Variants in UBE2E1 observed in about 807,000 individuals in gnomAD.
UBE2E1 encodes the protein ubiquitin-conjugating enzyme E2 E1.
In UBE2E1, 6 loss-of-function variants were observed where a neutral mutation model predicts 21.4. The observed-to-expected ratio is 0.28, with a 90% CI of 0.15 to 0.55. The LOEUF is 0.55. UBE2E1 is among the 20% of genes least tolerant of loss of function. The probability of loss-of-function intolerance (pLI) is 0.93; values close to 1 mark genes in which losing one functional copy is unlikely to be tolerated. For synonymous variants in UBE2E1, 87 were observed against 82.7 expected, an observed-to-expected ratio of 1.05 and a Z score of -0.28; for missense variants, 142 against 236.5, an observed-to-expected ratio of 0.60 and a Z score of 2.62.
intron 3 of UBE2E1, among the ~76,000 whole-genome samples, chr3:23,868,050 G>T (rs1269951971): frequency 6.6e-6 from 1 of 152,132 alleles, no homozygotes; most frequent in Non-Finnish European, 1.5e-5. Context: ...CATATCAGTG[G>T]GTCACTATTG....
chr3:23,818,168 G>C lies in UBE2E1; in HGVS notation c.203+6658G>C, dbSNP rs1043182924. 4.6e-5 allele frequency among the ~76,000 whole-genome samples: 7 copies of C among 152,156 alleles called. 1 individual carries two copies. The highest frequency in any genetic ancestry group is 4.1e-4 in the South Asian group (2 of 4,834). On this transcript the variant is annotated intron_variant, in intron 3 of 5. Coordinates refer to ENST00000306627, the MANE Select transcript of UBE2E1 (RefSeq NM_003341.5). ...GGTTCTTCTGGGTGTTGGGGAAGTT[G>C]GTGGTGCATTAACAGAAATAAATAA...
At chr3:23,835,103 C>T (rs537357344) in intron 3 of UBE2E1, among the ~76,000 whole-genome samples, 1 of 152,284 alleles carries the variant, frequency 6.6e-6, no homozygotes, top group South Asian at 2.1e-4. Context: ...TTGAAGCAGT[C>T]TAGCATTAAC....
intron 3 of UBE2E1, among the ~76,000 whole-genome samples, chr3:23,845,583 C>CTG (rs768414328): frequency 8.2e-5 from 4 of 48,848 alleles, no homozygotes; most frequent in African/African-American, 1.3e-4. Context: ...CTCTCTCTCT[C>CTG]TCTCTCTGTG....
At chr3:23,807,135 C>T (rs1559472435) in intron 1 of UBE2E1, 102 bp from the exon 2 acceptor site, 6 of 971,708 alleles carry the variant, frequency 6.2e-6, no homozygotes, top group Non-Finnish European at 8.7e-6. Flanking sequence ...GGTGGGCGGC[C>T]GCGTGCGCCC....
intron 3 of UBE2E1, among the ~76,000 whole-genome samples, chr3:23,814,857 A>G (rs1458810858): frequency 6.6e-6 from 1 of 152,250 alleles, no homozygotes; most frequent in Admixed American, 6.5e-5. Context: ...TTTAATGGAT[A>G]TATTTGTTTC....
intron 3 of UBE2E1, among the ~76,000 whole-genome samples, chr3:23,824,526 TC>T (rs1295176285): frequency 6.6e-6 from 1 of 152,222 alleles, no homozygotes; most frequent in Non-Finnish European, 1.5e-5. Flanking sequence ...ATTTGAACTT[TC>T]TATCTGAATG....
intron 3 of UBE2E1, among the ~76,000 whole-genome samples, chr3:23,859,505 T>C (rs1161107579): frequency 6.6e-6 from 1 of 152,222 alleles, no homozygotes; most frequent in African/African-American, 2.4e-5. Context: ...ACCAGGTTCT[T>C]CATCCAGAAA....
At chr3:23,844,509 A>G (rs1320539166) in intron 3 of UBE2E1, among the ~76,000 whole-genome samples, 19 of 152,172 alleles carry the variant, frequency 1.2e-4, no homozygotes, top group Admixed American at 1.2e-3. Flanking sequence ...CCCCACTAAC[A>G]GTGAACATTC....
rs768414328 is a variant in UBE2E1 at position 23,845,583 on chromosome 3, C to CTGTGTG, written c.203+34074_203+34075insGTGTGT. The stretch of plus-strand genomic sequence containing the variant: ...GGTTTCTCTCTCTCTCTCTCTCTCT[C>CTGTGTG]TCTCTCTGTGTGTGTGTGTGTGTGT... On this transcript the variant is annotated intron_variant, in intron 3 of 5. Transcript: ENST00000306627. Among the ~76,000 whole-genome samples the CTGTGTG allele has an allele frequency of 5.7e-3, 278 of 48,822 alleles. 1 individual carries two copies. The highest frequency in any genetic ancestry group is 0.014 in the African/African-American group (225 of 15,794). 32.0% of individuals were successfully genotyped at this position (48,822 alleles called of 152,430 possible). A position where few individuals can be genotyped will look rare whatever the true frequency, so the allele number is the denominator to read the frequency against.
rs145735853 is a variant in UBE2E1 at position 23,816,706 on chromosome 3, C to CA, written c.203+5205dup. 0.019 allele frequency among the ~76,000 whole-genome samples: 2,801 copies of CA among 149,234 alleles called. 41 individuals carry two copies. The highest frequency in any genetic ancestry group is 0.051 in the South Asian group (242 of 4,740). ...TGGGCAACAAAGCGAGGCTCCATCTCAAAAAAAAAGGTTATACTAAGTGAA... is the reference window on the plus strand; with the variant it reads ...TGGGCAACAAAGCGAGGCTCCATCTCAAAAAAAAAAGGTTATACTAAGTGAA... On this transcript the variant is annotated intron_variant, in intron 3 of 5. Coordinates refer to ENST00000306627, the MANE Select transcript of UBE2E1 (RefSeq NM_003341.5). This position sits in a 1 kb window ranked among gnomAD's most constrained non-coding sequence, Gnocchi z 4.8.
At chr3:23,852,307 T>C (rs1334408538) in intron 3 of UBE2E1, among the ~76,000 whole-genome samples, 1 of 152,250 alleles carries the variant, frequency 6.6e-6, no homozygotes, top group African/African-American at 2.4e-5. Context: ...AATGATGGTT[T>C]TTAGTCTGCA....
chr3:23,887,807 T>G lies in UBE2E1; in HGVS notation c.336+108T>G. The G allele has an allele frequency of 7.2e-7, 1 of 1,381,150 alleles. No homozygotes were observed. Among genetic ancestry groups the G allele is most frequent in the Non-Finnish European group, 9.7e-7 (1 of 1,029,508 alleles). 85.6% of individuals were successfully genotyped at this position (1,381,150 alleles called of 1,614,324 possible). A position where few individuals can be genotyped will look rare whatever the true frequency, so the allele number is the denominator to read the frequency against. Reference sequence around the variant, plus strand: ...TCACAGAAACTAGATTTATCTTATGTCCTAATAGATCTGAGTATTTTAACA... The same window carrying G: ...TCACAGAAACTAGATTTATCTTATGGCCTAATAGATCTGAGTATTTTAACA... On this transcript the variant is annotated intron_variant, in intron 4 of 5. Transcript: ENST00000306627. The surrounding 1 kb of genome is among the most constrained non-coding windows in gnomAD (Gnocchi z 4.4).
intron 3 of UBE2E1, among the ~76,000 whole-genome samples, chr3:23,857,803 A>G (rs1700473635): frequency 6.6e-6 from 1 of 152,200 alleles, no homozygotes; most frequent in Non-Finnish European, 1.5e-5. Context: ...TGAGTGACAG[A>G]GGTGCCAGTA....
rs1351037575 is a variant in UBE2E1 at position 23,876,960 on chromosome 3, C to G, written c.204-10607C>G. ...TCAGGAGGCTGAGATGGAAGGATCA[C>G]TTGAGCCAGCTGTGATTGAGCCACT... On this transcript the variant is annotated intron_variant, in intron 3 of 5. Coordinates refer to ENST00000306627, the MANE Select transcript of UBE2E1 (RefSeq NM_003341.5). The surrounding 1 kb of genome is among the most constrained non-coding windows in gnomAD (Gnocchi z 4.3). 6.6e-6 allele frequency among the ~76,000 whole-genome samples: 1 copy of G among 152,212 alleles called. No individual in the cohort carries two copies. Among genetic ancestry groups the G allele is most frequent in the Non-Finnish European group, 1.5e-5 (1 of 68,040 alleles).
intron 3 of UBE2E1, among the ~76,000 whole-genome samples, chr3:23,877,022 C>CAAAG: frequency 6.6e-6 from 1 of 152,184 alleles, no homozygotes; most frequent in East Asian, 1.9e-4. Flanking sequence ...GACACTGTCT[C>CAAAG]AAAGAAAGAA....
At chr3:23,872,867 AT>A (rs1396670891) in intron 3 of UBE2E1, among the ~76,000 whole-genome samples, 2 of 152,144 alleles carry the variant, frequency 1.3e-5, no homozygotes, top group African/African-American at 4.8e-5. Flanking sequence ...AAATACAAAA[AT>A]TAGTCGGGCG....
chr3:23,889,318 C>G (rs769473953), intron 5 of UBE2E1, 59 bp downstream of exon 5: 3 of 1,609,082 alleles, frequency 1.9e-6, no homozygotes, highest in Non-Finnish European at 1.7e-6. Flanking sequence ...ATACTTGTTT[C>G]CAAAAGCTTT....
At chr3:23,874,343 CT>C (rs1700870601) in intron 3 of UBE2E1, among the ~76,000 whole-genome samples, 1 of 152,174 alleles carries the variant, frequency 6.6e-6, no homozygotes, top group African/African-American at 2.4e-5. Context: ...ACGTTCTCCC[CT>C]CAAAAAGTCT....
intron 3 of UBE2E1, among the ~76,000 whole-genome samples, chr3:23,825,308 G>A (rs538127761): frequency 6.6e-6 from 1 of 152,288 alleles, no homozygotes; most frequent in East Asian, 1.9e-4. Context: ...GCAGTGCTTT[G>A]GTCTGTGCCT....
Sources: gnomAD v4.1 joint callset for allele counts (sites outside exome capture counted in the v4.1 genomes callset) on GRCh38, gnomAD v4.1.1 for gene constraint, Gnocchi (gnomAD v3.1) non-coding constraint, MANE v1.5 for transcripts, NCBI Gene and HGNC (gene_info 2026-07-23, HGNC 2026-07-21) for gene names.